The following SUPT16H variants were observed in gnomAD, a reference collection of about 807,000 sequenced individuals.
SUPT16H encodes the protein FACT complex subunit SPT16.
A neutral mutation model predicts 136.2 loss-of-function variants in SUPT16H; 24 were observed. That is an observed-to-expected ratio of 0.18 (90% CI 0.13 to 0.25). SUPT16H has a LOEUF of 0.25. Ranked by LOEUF, SUPT16H falls within the 10% of genes least tolerant of loss-of-function variation. The probability of loss-of-function intolerance (pLI) is 1.00; values close to 1 mark genes in which losing one functional copy is unlikely to be tolerated. For missense variants in SUPT16H, 623 were observed against 1,270.2 expected (o/e 0.49, Z 7.74); for synonymous variants, 415 against 428.2 (o/e 0.97, Z 0.38).
At chr14:21,353,126 T>G (rs756941199) in intron 25 of SUPT16H, among the ~76,000 whole-genome samples, 1 of 152,226 alleles carries the variant, frequency 6.6e-6, no homozygotes, top group East Asian at 1.9e-4. Context: ...TATAAAGACA[T>G]GCCTAACCTG....
chr14:21,366,507 A>G lies in SUPT16H; in HGVS notation c.978T>C (p.Tyr326=), dbSNP rs747822317. 1 of 1,614,146 alleles carries G rather than the reference A, an allele frequency of 6.2e-7. No individual in the cohort carries two copies. Among genetic ancestry groups the G allele is most frequent in the Non-Finnish European group, 8.5e-7 (1 of 1,180,016 alleles). The change falls in exon 8 of 26, where the codon TAT becomes TAC. Residue 326 remains tyrosine (Y), a synonymous_variant. Coordinates refer to ENST00000216297, the MANE Select transcript of SUPT16H (RefSeq NM_007192.4). Reference sequence around the variant, plus strand: ...TTTTAACCACGTCCATGACAGCGTTATACACGTCACATATCTTCACACCTA... The same window carrying G: ...TTTTAACCACGTCCATGACAGCGTTGTACACGTCACATATCTTCACACCTA... ...LRHGVKICDV[Y]NAVMDVVKKQ... is the part of the protein sequence containing the mutation.
chr14:21,353,867 G>T (rs200736421), intron 23 of SUPT16H, 35 bp from the exon 24 acceptor site: 6 of 1,576,814 alleles, frequency 3.8e-6, no homozygotes, highest in East Asian at 2.2e-5. Flanking sequence ...ATTTTTTTTT[G>T]ACATTTACCT....
chr14:21,380,795 A>G (rs1887005992), intron 1 of SUPT16H, among the ~76,000 whole-genome samples: 1 of 152,120 alleles, frequency 6.6e-6, no homozygotes, highest in Non-Finnish European at 1.5e-5. Flanking sequence ...ATGCCTGGAT[A>G]TTGTACCACT....
At chr14:21,369,536 G>T in intron 5 of SUPT16H, 181 bp from the exon 6 acceptor site, 1 of 953,770 alleles carries the variant, frequency 1.0e-6, no homozygotes, top group Non-Finnish European at 1.5e-6. Context: ...AGGACTTACA[G>T]CTATTCCTAT....
At chr14:21,378,535 G>A (rs193195318) in intron 1 of SUPT16H, among the ~76,000 whole-genome samples, 1 of 151,996 alleles carries the variant, frequency 6.6e-6, no homozygotes, top group Non-Finnish European at 1.5e-5. Context: ...TGGGGTGGTG[G>A]GTATAAAGGG....
At chr14:21,379,986 CCTGA>C (rs1222117372) in intron 1 of SUPT16H, among the ~76,000 whole-genome samples, 1 of 152,154 alleles carries the variant, frequency 6.6e-6, no homozygotes, top group Non-Finnish European at 1.5e-5. Flanking sequence ...TAATCCACTG[CCTGA>C]CTGAAATAAC....
At position 21,383,852 on chromosome 14, in the gene SUPT16H, T is replaced by G. The variant is rs1486405038; in HGVS notation, c.66+10A>C. ...GGGCTCCCTAGGAAAAATTACAGGA[T>G]CTTCCTCACCCGCCAATTGCTGTAC... On this transcript the variant is annotated intron_variant, in intron 1 of 25. Transcript: ENST00000216297. The G allele has an allele frequency of 1.2e-6, 2 of 1,613,996 alleles. No individual in the cohort carries two copies. The highest frequency in any genetic ancestry group is 3.3e-5 in the Admixed American group (2 of 60,026).
chr14:21,356,171 G>A (rs1303453302), intron 22 of SUPT16H, among the ~76,000 whole-genome samples: 3 of 152,140 alleles, frequency 2.0e-5, no homozygotes, highest in Admixed American at 6.6e-5. Context: ...CAGGAAGGAA[G>A]AGTTTCCCAG....
intron 4 of SUPT16H, 100 bp downstream of exon 4, chr14:21,370,236 C>G: frequency 7.1e-7 from 1 of 1,407,174 alleles, no homozygotes; most frequent in South Asian, 1.4e-5. Flanking sequence ...AACAAACATA[C>G]AGTTTTCCCA....
intron 3 of SUPT16H, 107 bp downstream of exon 3, chr14:21,371,767 C>T: frequency 7.5e-7 from 1 of 1,331,592 alleles, no homozygotes; most frequent in Non-Finnish European, 1.0e-6. Context: ...CAACCACAGC[C>T]ACCTATAATT....
At chr14:21,358,270 A>T in intron 20 of SUPT16H, 45 bp downstream of exon 20, 1 of 1,203,908 alleles carries the variant, frequency 8.3e-7, no homozygotes. Context: ...TATTGTACCA[A>T]AAGACAGACC....
At position 21,363,333 on chromosome 14, in the gene SUPT16H, G is replaced by A; in HGVS notation, c.1300-5C>T. 2 of 1,602,938 alleles carry A rather than the reference G, an allele frequency of 1.2e-6. No individual in the cohort carries two copies. Among genetic ancestry groups the A allele is most frequent in the Non-Finnish European group, 1.7e-6 (2 of 1,173,486 alleles). The stretch of plus-strand genomic sequence containing the variant: ...CTCTTCTTCCTCATCTTCATTCTAT[G>A]GAAAAAGTCATAATCAAAAAATGAA... On this transcript the variant is annotated splice_region_variant and splice_polypyrimidine_tract_variant and intron_variant, in intron 11 of 25. Transcript: ENST00000216297.
At position 21,351,538 on chromosome 14, in the gene SUPT16H, A is replaced by G; in HGVS notation, c.*1135T>C. Reference sequence around the variant, plus strand: ...CATCTTTTAGTTCTTCCAAAATTGAAAATATCAAGTCCTACTGCTAAGGAG... The same window carrying G: ...CATCTTTTAGTTCTTCCAAAATTGAGAATATCAAGTCCTACTGCTAAGGAG... On this transcript the variant is annotated 3_prime_UTR_variant, in exon 26 of 26. Coordinates refer to ENST00000216297, the MANE Select transcript of SUPT16H (RefSeq NM_007192.4). 1 of 212,426 alleles carries G rather than the reference A, an allele frequency of 4.7e-6. No homozygotes were observed. The highest frequency in any genetic ancestry group is 9.4e-6 in the Non-Finnish European group (1 of 106,516). 13.2% of individuals were successfully genotyped at this position (212,426 alleles called of 1,614,324 possible). A position where few individuals can be genotyped will look rare whatever the true frequency, so the allele number is the denominator to read the frequency against.
rs974718874 is a variant in SUPT16H at position 21,357,928 on chromosome 14, C to T, written c.2489G>A (p.Trp830Ter). Reference protein sequence around the residue: ...TSSALVNATEWPPFVVTLDEV... With the variant: ...TSSALVNATE ...TAAAAGAAAGTAAGAAACACTCACC[C>T]ATTCCGTAGCATTTACCAGCGCACT... is the stretch of plus-strand genomic sequence containing the variant. Residue 830 changes from tryptophan to a stop codon, truncating the protein, a stop_gained and splice_region_variant, in exon 21 of 26, where the codon TGG (tryptophan) becomes TAG (stop). Transcript: ENST00000216297. LOFTEE classifies it high-confidence loss of function. 6.2e-7 allele frequency: 1 copy of T among 1,613,080 alleles called. No homozygotes were observed. Among genetic ancestry groups the T allele is most frequent in the Non-Finnish European group, 8.5e-7 (1 of 1,179,226 alleles).
At chr14:21,360,323 C>T (rs1886525204) in intron 18 of SUPT16H, 92 bp downstream of exon 18, 3 of 1,050,630 alleles carry the variant, frequency 2.9e-6, no homozygotes, top group East Asian at 2.5e-5. Flanking sequence ...CCACCGCGCC[C>T]AGCCCTTTCA....
In SUPT16H at chr14:21,373,409, T is replaced by G; in HGVS notation, c.88A>C (p.Asn30His). ...NWRKGEDEYA[N>H]VDAIVVSVGV... ...ACTGATACAACAATGGCATCAACGTTGGCATACTCATCTTCTCCTTTCTGA... is the reference window on the plus strand; with the variant it reads ...ACTGATACAACAATGGCATCAACGTGGGCATACTCATCTTCTCCTTTCTGA... The change falls in exon 2 of 26, where the codon AAC becomes CAC. Residue 30 changes from asparagine to histidine, a missense_variant. By Grantham distance (68) the Asn-to-His change is moderately conservative. Coordinates refer to ENST00000216297, the MANE Select transcript of SUPT16H (RefSeq NM_007192.4). 6.2e-7 allele frequency: 1 copy of G among 1,614,126 alleles called. No homozygotes were observed. Among genetic ancestry groups the G allele is most frequent in the Non-Finnish European group, 8.5e-7 (1 of 1,179,952 alleles).
At position 21,383,953 on chromosome 14, in the gene SUPT16H, G is replaced by C. The variant is rs1887114269; in HGVS notation, c.-26C>G. ...AGCCCCGGACGCCGCTTCTCCTCGG[G>C]TTCCGAGAATCACGCGAGGTCCCGG... On this transcript the variant is annotated 5_prime_UTR_variant, in exon 1 of 26. Coordinates refer to ENST00000216297, the MANE Select transcript of SUPT16H (RefSeq NM_007192.4). 1 of 1,612,208 alleles carries C rather than the reference G, an allele frequency of 6.2e-7. No individual in the cohort carries two copies. The highest frequency in any genetic ancestry group is 2.2e-5 in the East Asian group (1 of 44,882).
At chr14:21,361,304 T>C in intron 15 of SUPT16H, 91 bp from the exon 16 acceptor site, 2 of 1,075,526 alleles carry the variant, frequency 1.9e-6, no homozygotes, top group Non-Finnish European at 2.7e-6. Flanking sequence ...GCTTAATCTC[T>C]ACTTTGCTTT....
chr14:21,368,981 T>C (rs749038235), intron 6 of SUPT16H, among the ~76,000 whole-genome samples: 2 of 151,972 alleles, frequency 1.3e-5, no homozygotes, highest in African/African-American at 2.4e-5. Flanking sequence ...TAAAGTAAGA[T>C]AGAAGGAATA....
Sources: allele counts gnomAD v4.1 joint callset (sites outside exome capture counted in the v4.1 genomes callset), GRCh38; gene constraint gnomAD v4.1.1; transcripts MANE v1.5; gene names NCBI Gene and HGNC (gene_info 2026-07-23, HGNC 2026-07-21).